Variants in COG5 observed in about 807,000 individuals in gnomAD.
COG5 encodes the protein conserved oligomeric Golgi complex subunit 5.
A neutral mutation model predicts 110.4 loss-of-function variants in COG5; 86 were observed. That is an observed-to-expected ratio of 0.78 (90% CI 0.65 to 0.93). The LOEUF is 0.93. Ranked by LOEUF, COG5 falls within the 40% of genes least tolerant of loss-of-function variation. The probability of loss-of-function intolerance (pLI) is 0.00; values close to 1 mark genes in which losing one functional copy is unlikely to be tolerated. For missense variants in COG5, 1,077 were observed against 987.0 expected (o/e 1.09, Z -1.22); for synonymous variants, 360 against 334.6 (o/e 1.08, Z -0.83).
At chr7:107,305,619 A>C (rs1010588754) in intron 11 of COG5, among the ~76,000 whole-genome samples, 1 of 152,058 alleles carries the variant, frequency 6.6e-6, no homozygotes, top group Non-Finnish European at 1.5e-5. Flanking sequence ...GGCTGTCATC[A>C]AGGTATCAAC....
intron 5 of COG5, among the ~76,000 whole-genome samples, chr7:107,544,216 C>T (rs1802254689): frequency 6.6e-6 from 1 of 152,118 alleles, no homozygotes; most frequent in Admixed American, 6.6e-5. Flanking sequence ...CCAGGCCCAC[C>T]CCCATGGTCC....
intron 6 of COG5, among the ~76,000 whole-genome samples, chr7:107,464,588 A>ATC (rs1441899958): frequency 6.6e-6 from 1 of 152,162 alleles, no homozygotes; most frequent in African/African-American, 2.4e-5. Context: ...AGGAAACCTT[A>ATC]TCTCTGTCAA....
At chr7:107,514,468 A>G (rs545053223) in intron 6 of COG5, among the ~76,000 whole-genome samples, 37 of 152,308 alleles carry the variant, frequency 2.4e-4, no homozygotes, top group African/African-American at 8.2e-4. Context: ...TATTTTGTAT[A>G]AAGTATTCTT....
intron 6 of COG5, among the ~76,000 whole-genome samples, chr7:107,415,554 A>T (rs868566542): frequency 1.3e-5 from 2 of 151,924 alleles, no homozygotes; most frequent in African/African-American, 4.8e-5. Context: ...GTCTACTAGA[A>T]AAAAAAATCA....
intron 14 of COG5, among the ~76,000 whole-genome samples, chr7:107,267,952 T>G (rs1360800499): frequency 6.6e-6 from 1 of 152,176 alleles, no homozygotes; most frequent in Non-Finnish European, 1.5e-5. Flanking sequence ...CATTATTACT[T>G]TTCGTAGTAA....
rs141734134 is a variant in COG5, at chr7:107,334,229, T to C, written c.1027-9708A>G. 9.2e-3 allele frequency among the ~76,000 whole-genome samples: 1,407 copies of C among 152,130 alleles called. 24 individuals are homozygous for C. The highest frequency in any genetic ancestry group is 0.031 in the African/African-American group (1,307 of 41,506). On this transcript the variant is annotated intron_variant, in intron 10 of 21. Coordinates refer to ENST00000297135, the MANE Select transcript of COG5 (RefSeq NM_006348.5). ...GAATACTATTCAGCCATAAAAAGAA[T>C]GAAATCCTGTCATTCAAGGTAACAT...
intron 3 of COG5, among the ~76,000 whole-genome samples, chr7:107,553,488 G>C (rs1803077212): frequency 1.3e-5 from 2 of 152,082 alleles, no homozygotes; most frequent in African/African-American, 4.8e-5. Context: ...CTGCATCACA[G>C]AAAACAATAT....
intron 6 of COG5, among the ~76,000 whole-genome samples, chr7:107,465,858 A>G (rs1226691295): frequency 6.6e-6 from 1 of 152,164 alleles, no homozygotes; most frequent in Non-Finnish European, 1.5e-5. Flanking sequence ...TCTAACTAGT[A>G]TCAATAACAG....
At chr7:107,241,604 A>G (rs966025397) in intron 17 of COG5, among the ~76,000 whole-genome samples, 1 of 151,706 alleles carries the variant, frequency 6.6e-6, no homozygotes, top group Non-Finnish European at 1.5e-5. Context: ...GGCGCCCGCC[A>G]CCACGCCTGG....
Position 107,350,776 on chromosome 7 carries a change from G to C in COG5, c.1026+11257C>G, listed in dbSNP as rs1398005103. On this transcript the variant is annotated intron_variant, in intron 10 of 21. Coordinates refer to ENST00000297135, the MANE Select transcript of COG5 (RefSeq NM_006348.5). The stretch of plus-strand genomic sequence containing the variant: ...TACCCTGGGTCTTGGTGTAATGCAA[G>C]ACTCTCAAGTTTCTTCTTCCATCTT... 1.3e-5 allele frequency among the ~76,000 whole-genome samples: 2 copies of C among 152,142 alleles called. 1 individual carries two copies.
chr7:107,218,693 ATCAAT>A (rs906795334), intron 19 of COG5, among the ~76,000 whole-genome samples: 3 of 152,148 alleles, frequency 2.0e-5, no homozygotes, highest in Non-Finnish European at 4.4e-5. Context: ...CATATAAAAA[ATCAAT>A]TCAAAAACGG....
At chr7:107,295,097 A>ATTT (rs1562955833) in intron 12 of COG5, among the ~76,000 whole-genome samples, 3 of 70,576 alleles carry the variant, frequency 4.3e-5, no homozygotes, top group African/African-American at 1.8e-4. Context: ...ATATATATAT[A>ATTT]TATATTTTTT....
At chr7:107,211,373 GAGACGCCC>G (rs1310121593) in intron 19 of COG5, 148 bp from the exon 20 acceptor site, 1 of 869,280 alleles carries the variant, frequency 1.2e-6, no homozygotes, top group Non-Finnish European at 1.8e-6. Flanking sequence ...ATTCAGCCTT[GAGACGCCC>G]ACAAGCCTCT....
At chr7:107,211,032 G>A in intron 20 of COG5, 67 bp downstream of exon 20, 1 of 1,564,292 alleles carries the variant, frequency 6.4e-7, no homozygotes, top group Non-Finnish European at 8.8e-7. Flanking sequence ...CAGTGAGTAG[G>A]GGCTCAGGAT....
At chr7:107,338,914 C>A (rs188256049) in intron 10 of COG5, among the ~76,000 whole-genome samples, 1 of 152,010 alleles carries the variant, frequency 6.6e-6, no homozygotes, top group Admixed American at 6.6e-5. Context: ...CCTGTTACTA[C>A]AAAAACACAC....
chr7:107,323,205 C>G (rs12531187), intron 11 of COG5, among the ~76,000 whole-genome samples: 23,844 of 152,148 alleles, frequency 0.16, 2,322 homozygotes, highest in Non-Finnish European at 0.22. Context: ...GATATTTATT[C>G]CCTCCCAAAA....
At chr7:107,281,527 A>C in intron 13 of COG5, 128 bp from the exon 14 acceptor site, 1 of 735,154 alleles carries the variant, frequency 1.4e-6, no homozygotes, top group Non-Finnish European at 2.4e-6. Flanking sequence ...TGCTTCCAAG[A>C]ACTGGTTGCA....
rs142872023 is a variant in COG5, at chr7:107,367,529, C to A, written c.835+5066G>T. Among the ~76,000 whole-genome samples, 536 of 151,776 alleles carry A rather than the reference C, an allele frequency of 3.5e-3. 4 individuals are homozygous for A. The highest frequency in any genetic ancestry group is 0.012 in the African/African-American group (506 of 41,388). On this transcript the variant is annotated intron_variant, in intron 8 of 21. Transcript: ENST00000297135. ...GACAGGTAACCAATCTAAGTGTTCA[C>A]AAAACAATGAGTGGGTAAAGAAACT...
chr7:107,211,832 C>A (rs1472579557), intron 19 of COG5, among the ~76,000 whole-genome samples: 1 of 152,176 alleles, frequency 6.6e-6, no homozygotes, highest in African/African-American at 2.4e-5. Context: ...CATTCCACTA[C>A]AAATTATATA....
Sources: gnomAD v4.1 joint callset for allele counts (sites outside exome capture counted in the v4.1 genomes callset) on GRCh38, gnomAD v4.1.1 for gene constraint, MANE v1.5 for transcripts, NCBI Gene and HGNC (gene_info 2026-07-23, HGNC 2026-07-21) for gene names.